MAX: variants seen among roughly 807,000 people sequenced by gnomAD.
The protein encoded by MAX is MYC associated transcriptional regulator X.
MAX carries 3 observed loss-of-function variants against 22.3 expected under a neutral mutation model. That is an observed-to-expected ratio of 0.13 (90% confidence interval 0.06 to 0.35). The LOEUF is 0.35. Ranked by LOEUF, MAX falls within the 10% of genes least tolerant of loss-of-function variation. MAX has a pLI of 1.00. For missense variants in MAX, 119 were observed against 209.4 expected (o/e 0.57, Z 2.66); for synonymous variants, 72 against 77.7 (o/e 0.93, Z 0.39).
At chr14:65,073,403 C>T (rs879367880), downstream of MAX, among the ~76,000 whole-genome samples, 3 of 152,106 alleles carry the variant, frequency 2.0e-5, no homozygotes, top group Non-Finnish European at 4.4e-5. Context: ...AGATTCTTTA[C>T]CTAAGAAGTT....
rs1262392628 is a variant in MAX, at chr14:65,037,402, CCTTTTTTTTTTTTTT to C, written c.172-31133_172-31119del. 7.4e-3 allele frequency among the ~76,000 whole-genome samples: 108 copies of C among 14,512 alleles called. 18 individuals are homozygous for C. The highest frequency in any genetic ancestry group is 9.6e-3 in the East Asian group (6 of 628). 9.5% of individuals were successfully genotyped at this position (14,512 alleles called of 152,430 possible). A position where few individuals can be genotyped will look rare whatever the true frequency, so the allele number is the denominator to read the frequency against. On this transcript the variant is annotated intron_variant, in intron 3 of 3. Coordinates refer to the MAX transcript ENST00000341653. ...ATAGGCGTGAGCCACCACGCCGGGC[CCTTTTTTTTTTTTTT>C]TTTTTTTTTTTTTTTTTTTTTTTTT...
At chr14:65,083,609 AATCTTAACTC>A in intron 3 of MAX, 1 of 513,024 alleles carries the variant, frequency 1.9e-6, no homozygotes, top group Non-Finnish European at 2.6e-6. Flanking sequence ...GAGAAACAAT[AATCTTAACTC>A]TACTGAACAC....
intron 3 of MAX, among the ~76,000 whole-genome samples, chr14:65,050,231 G>A (rs2062576411): frequency 6.6e-6 from 1 of 152,084 alleles, no homozygotes; most frequent in African/African-American, 2.4e-5. Flanking sequence ...GTAATCAGAG[G>A]CATGCAAATC....
At chr14:65,075,056 T>C, downstream of MAX, 1 of 1,009,990 alleles carries the variant, frequency 9.9e-7, no homozygotes, top group Non-Finnish European at 1.2e-6. This position sits in a 1 kb window ranked among gnomAD's most constrained non-coding sequence, Gnocchi z 4.1. Context: ...ATTGAGGCCC[T>C]AACAGCTTCC....
In MAX at chr14:65,075,533, C is replaced by T. The variant is rs111875569; in HGVS notation, c.*943G>A. 30 of 1,065,294 alleles carry T rather than the reference C, an allele frequency of 2.8e-5. 1 individual carries two copies. The highest frequency in any genetic ancestry group is 4.2e-4 in the Middle Eastern group (1 of 2,394). The allele number at this position is 1,065,294 out of a possible 1,614,324, so 66.0% of individuals were successfully genotyped here. The stretch of plus-strand genomic sequence containing the variant: ...TGGCTCTATTTCTTAGAAATACACA[C>T]GGGAAGAAAGAAAGATTTCATCATT... On this transcript the variant is annotated 3_prime_UTR_variant, in exon 5 of 5. Transcript: ENST00000358664. The surrounding 1 kb of genome is among the most constrained non-coding windows in gnomAD (Gnocchi z 4.1).
rs1276440467 is a variant in MAX, at chr14:65,077,582, G to A, written c.295+331C>T. 4.2e-6 allele frequency: 4 copies of A among 941,372 alleles called. No individual in the cohort carries two copies. The highest frequency in any genetic ancestry group is 5.1e-6 in the Non-Finnish European group (3 of 584,124). The allele number at this position is 941,372 out of a possible 1,614,324, so 58.3% of individuals were successfully genotyped here. On this transcript the variant is annotated intron_variant, in intron 4 of 4. Transcript: ENST00000358664. This position sits in a 1 kb window ranked among gnomAD's most constrained non-coding sequence, Gnocchi z 6.3. ...ACTTACACAGCACATTCCACTCCAA[G>A]GACCTCAAAGCTCTTTTCAGACACC...
chr14:65,076,117 G>A lies in MAX; in HGVS notation c.*359C>T. Reference sequence around the variant, plus strand: ...CAGGGCAGGCGTCCCCCGGGCATGTGCCCGGCAGGGCTGGAGGAGCTGGTA... The same window carrying A: ...CAGGGCAGGCGTCCCCCGGGCATGTACCCGGCAGGGCTGGAGGAGCTGGTA... On this transcript the variant is annotated 3_prime_UTR_variant, in exon 5 of 5. Coordinates refer to ENST00000358664, the MANE Select transcript of MAX (RefSeq NM_002382.5). This position sits in a 1 kb window ranked among gnomAD's most constrained non-coding sequence, Gnocchi z 6.6. The A allele has an allele frequency of 1.5e-6, 2 of 1,292,978 alleles. No individual in the cohort carries two copies. The highest frequency in any genetic ancestry group is 2.0e-6 in the Non-Finnish European group (2 of 1,018,838). 80.1% of individuals were successfully genotyped at this position (1,292,978 alleles called of 1,614,324 possible).
intron 3 of MAX, among the ~76,000 whole-genome samples, chr14:65,051,517 A>G (rs2062610023): frequency 6.6e-6 from 1 of 151,912 alleles, no homozygotes; most frequent in Admixed American, 6.6e-5. Flanking sequence ...AGGCTGAGGC[A>G]GGACAATCGC....
downstream of MAX, among the ~76,000 whole-genome samples, chr14:65,074,534 A>G (rs1417969372): frequency 6.6e-6 from 1 of 152,236 alleles, no homozygotes; most frequent in African/African-American, 2.4e-5. Context: ...GGGTCTAGGA[A>G]CAGCAGTATT....
chr14:65,018,809 T>TA (rs34066098), intron 3 of MAX, among the ~76,000 whole-genome samples: 27,823 of 108,310 alleles, frequency 0.26, 3,527 homozygotes, highest in Non-Finnish European at 0.31. Context: ...GACTCTGTCT[T>TA]AAAAAAAAAA....
intron 3 of MAX, among the ~76,000 whole-genome samples, chr14:65,048,425 AG>A (rs982707716): frequency 5.3e-5 from 8 of 152,344 alleles, no homozygotes; most frequent in African/African-American, 1.9e-4. Flanking sequence ...AAAAGCAAAA[AG>A]AATGCTCTAC....
At chr14:65,015,705 A>G in intron 3 of MAX, 1 of 1,614,108 alleles carries the variant, frequency 6.2e-7, no homozygotes, top group Non-Finnish European at 8.5e-7. Context: ...TCCCCCAGAT[A>G]GTGGCTACAG....
intron 3 of MAX, among the ~76,000 whole-genome samples, chr14:65,006,771 ATTTG>A (rs1566865985): frequency 6.6e-6 from 1 of 152,164 alleles, no homozygotes; most frequent in Non-Finnish European, 1.5e-5. Context: ...CTTTTTTAAA[ATTTG>A]TTTTTCCTTA....
At chr14:65,060,692 C>T (rs1316646366) in intron 3 of MAX, among the ~76,000 whole-genome samples, 4 of 41,058 alleles carry the variant, frequency 9.7e-5, no homozygotes, top group Non-Finnish European at 1.6e-4. Context: ...CGAGAGACTC[C>T]GTCTCAAAAA....
At chr14:65,085,360 TC>T in intron 3 of MAX, among the ~76,000 whole-genome samples, 1 of 152,344 alleles carries the variant, frequency 6.6e-6, no homozygotes, top group Middle Eastern at 3.4e-3. Context: ...TCATGTTTTT[TC>T]TTCTTCCCAT....
In MAX at chr14:65,030,431, C is replaced by T. The variant is rs994791182; in HGVS notation, c.172-24147G>A. 1.3e-5 allele frequency among the ~76,000 whole-genome samples: 2 copies of T among 152,122 alleles called. No individual in the cohort carries two copies. Among genetic ancestry groups the T allele is most frequent in the African/African-American group, 4.8e-5 (2 of 41,396 alleles). ...CAGTAAGTCTGACTTCATGTTATATCTATACTGAGTAAGATGGAAACCAGG... is the reference window on the plus strand; with the variant it reads ...CAGTAAGTCTGACTTCATGTTATATTTATACTGAGTAAGATGGAAACCAGG... On this transcript the variant is annotated intron_variant, in intron 3 of 3. Coordinates refer to the MAX transcript ENST00000341653. The surrounding 1 kb of genome is among the most constrained non-coding windows in gnomAD (Gnocchi z 4.5).
intron 3 of MAX, chr14:65,015,415 T>TTA (rs1475860670): frequency 3.7e-6 from 1 of 268,490 alleles, no homozygotes; most frequent in Non-Finnish European, 7.0e-6. Context: ...GTTATCTTTT[T>TTA]TTTTTTTTTT....
At chr14:65,094,038 G>T in intron 2 of MAX, 1 of 583,424 alleles carries the variant, frequency 1.7e-6, no homozygotes, top group Non-Finnish European at 3.1e-6. Context: ...AAAGTAGCTC[G>T]ATGCATCCAG....
intron 3 of MAX, chr14:65,083,877 TCC>T: frequency 8.0e-7 from 1 of 1,250,952 alleles, no homozygotes; most frequent in Admixed American, 3.6e-5. Flanking sequence ...GGTGTACATT[TCC>T]ATGTGAATAA....
Sources: allele counts gnomAD v4.1 joint callset (sites outside exome capture counted in the v4.1 genomes callset), GRCh38; gene constraint gnomAD v4.1.1; non-coding constraint Gnocchi (gnomAD v3.1); transcripts MANE v1.5; gene names NCBI Gene and HGNC (gene_info 2026-07-23, HGNC 2026-07-21).